Variants in MCCC2 observed in about 807,000 individuals in gnomAD.
The protein encoded by MCCC2 is methylcrotonoyl-CoA carboxylase beta chain, mitochondrial.
Under a neutral mutation model 77.2 loss-of-function variants are expected in MCCC2, and 52 were observed. That is an observed-to-expected ratio of 0.67 (90% CI 0.54 to 0.85). The LOEUF is 0.85. Ranked by LOEUF, MCCC2 falls within the 40% of genes least tolerant of loss-of-function variation. MCCC2 has a pLI of 0.00. For missense variants in MCCC2, 682 were observed against 703.2 expected, an observed-to-expected ratio of 0.97 and a Z score of 0.34; for synonymous variants, 253 against 248.4, an observed-to-expected ratio of 1.02 and a Z score of -0.18.
Position 71,620,245 on chromosome 5 carries a change from A to G in MCCC2, c.625-6395A>G, listed in dbSNP as rs116416644. Among the ~76,000 whole-genome samples the G allele has an allele frequency of 5.9e-3, 898 of 152,280 alleles. 8 individuals are homozygous for G. Among genetic ancestry groups the G allele is most frequent in the African/African-American group, 0.021 (856 of 41,546 alleles). On this transcript the variant is annotated intron_variant, in intron 6 of 16. Transcript: ENST00000340941. ...TAACGTTCTTAAATTCTTGACAGCT[A>G]TTGAATTGAGATGTATATTTTGTGG...
intron 1 of MCCC2, among the ~76,000 whole-genome samples, chr5:71,589,358 G>A (rs1171331145): frequency 2.0e-5 from 3 of 152,146 alleles, no homozygotes; most frequent in Non-Finnish European, 4.4e-5. Context: ...ATTTTGTTTT[G>A]TTTCTTAATC....
chr5:71,645,309 C>T (rs145139788), intron 12 of MCCC2, among the ~76,000 whole-genome samples: 1 of 152,246 alleles, frequency 6.6e-6, no homozygotes, highest in East Asian at 1.9e-4. Flanking sequence ...AATTTTGTAC[C>T]TGACAAGGCA....
intron 6 of MCCC2, among the ~76,000 whole-genome samples, chr5:71,609,887 A>C (rs1251507971): frequency 6.6e-6 from 1 of 151,860 alleles, no homozygotes; most frequent in Non-Finnish European, 1.5e-5. Flanking sequence ...CTCGGGGGTC[A>C]GGGGTCAGGG....
At chr5:71,594,720 A>T (rs1482224532) in intron 2 of MCCC2, among the ~76,000 whole-genome samples, 1 of 151,984 alleles carries the variant, frequency 6.6e-6, no homozygotes, top group Non-Finnish European at 1.5e-5. Flanking sequence ...CTTGGCTGTC[A>T]CAGCTTTGCC....
chr5:71,602,735 C>T lies in MCCC2; in HGVS notation c.511+102C>T. 14 of 1,504,858 alleles carry T rather than the reference C, an allele frequency of 9.3e-6. No individual in the cohort carries two copies. The South Asian group carries it at 1.4e-4, about 15-fold the overall frequency. The allele number at this position is 1,504,858 out of a possible 1,614,324, so 93.2% of individuals were successfully genotyped here. On this transcript the variant is annotated intron_variant, in intron 5 of 16. Transcript: ENST00000340941. ...CATTTGGGATGGGTATTTTATAAAC[C>T]TGTTGATTTCTCCTGTAATTATAAA...
At chr5:71,623,341 G>C (rs1034316903) in intron 6 of MCCC2, among the ~76,000 whole-genome samples, 12 of 152,318 alleles carry the variant, frequency 7.9e-5, no homozygotes, top group African/African-American at 2.9e-4. Context: ...CTCGGAGCTT[G>C]ACTAGGAAGG....
At chr5:71,598,651 TC>T (rs1745292561) in intron 3 of MCCC2, among the ~76,000 whole-genome samples, 1 of 148,946 alleles carries the variant, frequency 6.7e-6, no homozygotes, top group African/African-American at 2.5e-5. Context: ...AGATGGGGTT[TC>T]ACCATGTTAT....
intron 7 of MCCC2, among the ~76,000 whole-genome samples, chr5:71,630,749 A>G (rs1048965029): frequency 2.0e-5 from 3 of 152,122 alleles, no homozygotes; most frequent in Admixed American, 1.3e-4. Context: ...AGTTGTTTCT[A>G]TGCTGTATTT....
rs758819880 is a variant in MCCC2, at chr5:71,635,116, C to CAGGTTAACATG, written c.904-35_904-34insAGGTTAACATG. 5.6e-6 allele frequency: 9 copies of CAGGTTAACATG among 1,612,174 alleles called. No individual in the cohort carries two copies. The South Asian group carries it at 8.8e-5, about 16-fold the overall frequency. On this transcript the variant is annotated intron_variant, in intron 9 of 16. Transcript: ENST00000340941. ...GACTCACTGCACCTTGAAATCATGT[C>CAGGTTAACATG]TTTAAACAGGTTAACATGATCTATA...
chr5:71,636,047 TA>T (rs759406938), intron 10 of MCCC2: 15 of 362,362 alleles, frequency 4.1e-5, no homozygotes, highest in Admixed American at 2.2e-4. Context: ...TCTATACGTA[TA>T]TTTTTTTGTT....
rs1348079727 is a variant in MCCC2, at chr5:71,635,050, C to T, written c.903+8C>T. The T allele has an allele frequency of 8.1e-6, 13 of 1,613,216 alleles. No homozygotes were observed. Among genetic ancestry groups the T allele is most frequent in the African/African-American group, 2.7e-5 (2 of 74,892 alleles). ...TATCAGAAGAAATTGGATGTGAGTA[C>T]GATATGTTCTTATATCTTTTATTTT... On this transcript the variant is annotated splice_region_variant and intron_variant, in intron 9 of 16. Coordinates refer to ENST00000340941, the MANE Select transcript of MCCC2 (RefSeq NM_022132.5).
chr5:71,648,619 A>G (rs966419559), intron 13 of MCCC2, among the ~76,000 whole-genome samples: 1 of 152,210 alleles, frequency 6.6e-6, no homozygotes, highest in Non-Finnish European at 1.5e-5. Flanking sequence ...TTAACTAGCC[A>G]TGTCACATTC....
chr5:71,598,214 G>T (rs957694190), intron 3 of MCCC2, among the ~76,000 whole-genome samples: 10 of 151,692 alleles, frequency 6.6e-5, no homozygotes, highest in African/African-American at 2.2e-4. Flanking sequence ...TGGATTACAG[G>T]TGTGCACCAC....
chr5:71,598,258 A>G (rs1745270669), intron 3 of MCCC2, among the ~76,000 whole-genome samples: 1 of 149,958 alleles, frequency 6.7e-6, no homozygotes, highest in Non-Finnish European at 1.5e-5. Context: ...TTTAGTAGAG[A>G]CGGGGTTTCA....
intron 15 of MCCC2, among the ~76,000 whole-genome samples, chr5:71,650,621 C>T (rs564507012): frequency 8.6e-5 from 13 of 150,504 alleles, no homozygotes; most frequent in Non-Finnish European, 1.6e-4. Flanking sequence ...TGTGCCACCA[C>T]GCCAGGCTAA....
intron 8 of MCCC2, among the ~76,000 whole-genome samples, chr5:71,633,119 A>ATTTT (rs1188256414): frequency 4.2e-4 from 12 of 28,716 alleles, no homozygotes; most frequent in Non-Finnish European, 6.5e-4. Flanking sequence ...ATATATATAT[A>ATTTT]TATATATATA....
intron 6 of MCCC2, among the ~76,000 whole-genome samples, chr5:71,617,854 A>G (rs277953): frequency 0.39 from 58,846 of 151,990 alleles, 11,818 homozygotes; most frequent in Admixed American, 0.54. Flanking sequence ...CGTTTTCTGT[A>G]TCTTTGCTGC....
intron 3 of MCCC2, among the ~76,000 whole-genome samples, chr5:71,599,169 G>C (rs1313983129): frequency 3.3e-5 from 5 of 152,008 alleles, no homozygotes; most frequent in African/African-American, 1.2e-4. Flanking sequence ...AGGAGTTTGA[G>C]ACCAGCCTGG....
chr5:71,617,743 C>T (rs930622129), intron 6 of MCCC2, among the ~76,000 whole-genome samples: 1 of 152,176 alleles, frequency 6.6e-6, no homozygotes, highest in Admixed American at 6.5e-5. Flanking sequence ...TTGTTTTTCT[C>T]TCCAAGGTTG....
Sources: gnomAD v4.1 joint callset for allele counts (sites outside exome capture counted in the v4.1 genomes callset) on GRCh38, gnomAD v4.1.1 for gene constraint, MANE v1.5 for transcripts, NCBI Gene and HGNC (gene_info 2026-07-23, HGNC 2026-07-21) for gene names.